The following SLCO5A1 variants were observed in gnomAD, a reference collection of about 807,000 sequenced individuals.
SLCO5A1 encodes the protein solute carrier organic anion transporter family member 5A1.
SLCO5A1 carries 39 observed loss-of-function variants against 65.1 expected under a neutral mutation model. The ratio of observed to expected loss-of-function variants is 0.60; its 90% CI spans 0.46 to 0.78. SLCO5A1 has a LOEUF of 0.78. Ranked by LOEUF, SLCO5A1 falls within the 30% of genes least tolerant of loss-of-function variation. The pLI is 0.00. For missense variants in SLCO5A1, 1,029 were observed against 1,069.4 expected (o/e 0.96, Z 0.53); for synonymous variants, 438 against 415.7 (o/e 1.05, Z -0.65).
At chr8:69,784,933 A>T (rs1818984314) in intron 2 of SLCO5A1, among the ~76,000 whole-genome samples, 1 of 145,786 alleles carries the variant, frequency 6.9e-6, no homozygotes, top group African/African-American at 2.6e-5. Flanking sequence ...AAAGAAAGAA[A>T]GAAAGAAAGA....
chr8:69,798,052 G>T (rs7004455), intron 2 of SLCO5A1, among the ~76,000 whole-genome samples: 142,611 of 152,232 alleles, frequency 0.94, 66,916 homozygotes, highest in East Asian at 1. Context: ...AAAATTTCTC[G>T]TTTGTACTCT....
At position 69,755,430 on chromosome 8, in the gene SLCO5A1, C is replaced by A. The variant is rs1340446204; in HGVS notation, c.1252G>T (p.Val418Phe). Residue 418 changes from valine to phenylalanine, a missense_variant, in exon 4 of 10, where the codon GTC (valine) becomes TTC (phenylalanine). This residue lies in a region of SLCO5A1 where 647 missense variants were observed against 647.5 expected (regional missense o/e 1.00). Coordinates refer to ENST00000260126, the MANE Select transcript of SLCO5A1 (RefSeq NM_030958.3). ...TTCAAGAGGTATACTTTACCTCTGACATCCTTTCCAAATCCCATCGAAGAA... is the reference window on the plus strand; with the variant it reads ...TTCAAGAGGTATACTTTACCTCTGAAATCCTTTCCAAATCCCATCGAAGAA... Reference protein sequence around the residue: ...KVSSMGFGKDVRDLPRAAVRI... With the variant: ...KVSSMGFGKDFRDLPRAAVRI... The A allele has an allele frequency of 6.2e-7, 1 of 1,613,062 alleles. No homozygotes were observed. Among genetic ancestry groups the A allele is most frequent in the East Asian group, 2.2e-5 (1 of 44,862 alleles).
intron 2 of SLCO5A1, among the ~76,000 whole-genome samples, chr8:69,830,458 G>A (rs1391378050): frequency 2.6e-5 from 4 of 152,074 alleles, no homozygotes. Flanking sequence ...CTCCCGAGTA[G>A]CTGGGACTAC....
intron 5 of SLCO5A1, among the ~76,000 whole-genome samples, chr8:69,722,171 CA>C (rs955832118): frequency 1.3e-5 from 2 of 151,824 alleles, no homozygotes; most frequent in Middle Eastern, 3.4e-3. Context: ...GACTCCGTCT[CA>C]AAAAAACAAA....
At chr8:69,723,177 A>G (rs1270634810) in intron 5 of SLCO5A1, among the ~76,000 whole-genome samples, 1 of 152,224 alleles carries the variant, frequency 6.6e-6, no homozygotes. Flanking sequence ...TATTCTGTCT[A>G]TAAGGTTATT....
intron 5 of SLCO5A1, among the ~76,000 whole-genome samples, chr8:69,718,327 A>T (rs1815652931): frequency 6.6e-6 from 1 of 152,206 alleles, no homozygotes; most frequent in Non-Finnish European, 1.5e-5. Context: ...AGATCACATA[A>T]TCTGTAAATA....
chr8:69,751,117 A>C (rs1362580335), intron 4 of SLCO5A1, among the ~76,000 whole-genome samples: 1 of 152,264 alleles, frequency 6.6e-6, no homozygotes, highest in Non-Finnish European at 1.5e-5. Flanking sequence ...TAAGCAATTA[A>C]GCTTCAAAGA....
In SLCO5A1 at chr8:69,676,589, T is replaced by C; in HGVS notation, c.2089+20A>G. ...TGCAAAGAGGAACTAAGAGGTACAC[T>C]TGGAAATTCAGGGACGTACCAAGTG... is the stretch of plus-strand genomic sequence containing the variant. On this transcript the variant is annotated intron_variant, in intron 9 of 9. Transcript: ENST00000260126. The C allele has an allele frequency of 6.2e-7, 1 of 1,608,440 alleles. No individual in the cohort carries two copies. Among genetic ancestry groups the C allele is most frequent in the Non-Finnish European group, 8.5e-7 (1 of 1,177,308 alleles).
In SLCO5A1 at chr8:69,739,502, C is replaced by T. The variant is rs182974681; in HGVS notation, c.1259-1298G>A. On this transcript the variant is annotated intron_variant, in intron 4 of 9. Transcript: ENST00000260126. ...GTAAGCTGTATTATTTTTGGCAATACAGTCATCTCAGAACGGTTATCTCTT... is the reference window on the plus strand; with the variant it reads ...GTAAGCTGTATTATTTTTGGCAATATAGTCATCTCAGAACGGTTATCTCTT... Among the ~76,000 whole-genome samples, 4 of 152,142 alleles carry T rather than the reference C, an allele frequency of 2.6e-5. No homozygotes were observed. The East Asian group carries it at 7.7e-4, about 29-fold the overall frequency.
intron 2 of SLCO5A1, among the ~76,000 whole-genome samples, chr8:69,805,673 C>T (rs530286546): frequency 6.6e-6 from 1 of 152,300 alleles, no homozygotes; most frequent in East Asian, 1.9e-4. Flanking sequence ...GTCAACTCAA[C>T]ATACAATGGT....
chr8:69,752,712 A>G (rs1342470099), intron 4 of SLCO5A1, among the ~76,000 whole-genome samples: 1 of 152,246 alleles, frequency 6.6e-6, no homozygotes, highest in Non-Finnish European at 1.5e-5. Context: ...TTGAAGTTCC[A>G]GTCTTGATAT....
At chr8:69,826,914 T>A (rs1395752798) in intron 2 of SLCO5A1, among the ~76,000 whole-genome samples, 1 of 151,908 alleles carries the variant, frequency 6.6e-6, no homozygotes, top group Non-Finnish European at 1.5e-5. Flanking sequence ...CCAACAATGA[T>A]AGACTGGATT....
At chr8:69,750,272 A>G (rs1817235105) in intron 4 of SLCO5A1, among the ~76,000 whole-genome samples, 1 of 152,086 alleles carries the variant, frequency 6.6e-6, no homozygotes, top group African/African-American at 2.4e-5. Context: ...CAGCAGGGCC[A>G]GTTTAGCAGG....
At chr8:69,716,254 T>C (rs1305374891) in intron 5 of SLCO5A1, among the ~76,000 whole-genome samples, 1 of 152,244 alleles carries the variant, frequency 6.6e-6, no homozygotes, top group Admixed American at 6.5e-5. Context: ...GGGTTGTTTC[T>C]ACTTTTTGGT....
intron 2 of SLCO5A1, among the ~76,000 whole-genome samples, chr8:69,796,639 T>C (rs553325004): frequency 4.1e-4 from 62 of 149,768 alleles, no homozygotes; most frequent in African/African-American, 1.2e-3. Flanking sequence ...TATATATATA[T>C]ACACACACAC....
chr8:69,808,143 C>CT lies in SLCO5A1; in HGVS notation c.907+23623dup, dbSNP rs200169340. 3.2e-3 allele frequency among the ~76,000 whole-genome samples: 451 copies of CT among 141,400 alleles called. 1 individual carries two copies. The highest frequency in any genetic ancestry group is 6.8e-3 in the African/African-American group (261 of 38,418). 92.8% of individuals were successfully genotyped at this position (141,400 alleles called of 152,430 possible). On this transcript the variant is annotated intron_variant, in intron 2 of 9. Coordinates refer to ENST00000260126, the MANE Select transcript of SLCO5A1 (RefSeq NM_030958.3). Reference sequence around the variant, plus strand: ...TATTGTGAATAGATGTGCGAGGTTTCTTTTTTTTTGTAATGAAAGCTTTTT... The same window carrying CT: ...TATTGTGAATAGATGTGCGAGGTTTCTTTTTTTTTTGTAATGAAAGCTTTTT...
intron 2 of SLCO5A1, among the ~76,000 whole-genome samples, chr8:69,788,945 A>G (rs1819147820): frequency 6.6e-6 from 1 of 152,228 alleles, no homozygotes; most frequent in African/African-American, 2.4e-5. Flanking sequence ...GTAATTTGGC[A>G]TGATTCTGGA....
At chr8:69,730,718 T>A (rs769108176) in intron 5 of SLCO5A1, among the ~76,000 whole-genome samples, 10 of 152,164 alleles carry the variant, frequency 6.6e-5, no homozygotes, top group Non-Finnish European at 1.2e-4. Flanking sequence ...TTGTCAGCAT[T>A]GTTTATTGAC....
intron 2 of SLCO5A1, among the ~76,000 whole-genome samples, chr8:69,797,120 G>A (rs547405110): frequency 1.8e-4 from 28 of 152,354 alleles, no homozygotes; most frequent in Admixed American, 7.8e-4. Context: ...AACATGGATT[G>A]TGAAGATTTC....
Sources: allele counts gnomAD v4.1 joint callset (sites outside exome capture counted in the v4.1 genomes callset), GRCh38; gene constraint gnomAD v4.1.1; regional missense constraint gnomAD v4.1.1; transcripts MANE v1.5; gene names NCBI Gene and HGNC (gene_info 2026-07-23, HGNC 2026-07-21).